Variants in CFAP74 observed in about 807,000 individuals in gnomAD.
CFAP74 encodes cilia- and flagella-associated protein 74.
CFAP74 carries 124 observed loss-of-function variants against 188.9 expected under a neutral mutation model. The ratio of observed to expected loss-of-function variants is 0.66; its 90% confidence interval spans 0.57 to 0.76. The LOEUF (loss-of-function observed/expected upper bound fraction) is 0.76, where lower values mean the gene tolerates loss of function less well. CFAP74 is among the 30% of genes least tolerant of loss of function. The pLI is 0.00. For missense variants in CFAP74, 2,198 were observed against 2,165.2 expected (o/e 1.02, Z -0.30); for synonymous variants, 956 against 916.7 (o/e 1.04, Z -0.77).
intron 2 of CFAP74, among the ~76,000 whole-genome samples, chr1:1,990,089 T>C (rs1483267857): frequency 6.6e-6 from 1 of 152,218 alleles, no homozygotes; most frequent in Non-Finnish European, 1.5e-5. Context: ...AGGTTCGTTA[T>C]TGCTATTTTA....
At chr1:1,997,422 CAA>C (rs535055121) in intron 1 of CFAP74, among the ~76,000 whole-genome samples, 9 of 67,574 alleles carry the variant, frequency 1.3e-4, no homozygotes, top group Admixed American at 1.7e-4. Context: ...AACTCCGTCT[CAA>C]AAAAAAAAAA....
At position 1,958,527 on chromosome 1, in the gene CFAP74, C is replaced by T. The variant is rs368282031; in HGVS notation, c.1851+593G>A. On this transcript the variant is annotated intron_variant, in intron 16 of 38. Coordinates refer to ENST00000682832, the MANE Select transcript of CFAP74 (RefSeq NM_001304360.2). ...GTGCGGTGCGAGCTGACCAATTACTCGGCGGGGGCCGGGGGGACAATGATG... is the reference window on the plus strand; with the variant it reads ...GTGCGGTGCGAGCTGACCAATTACTTGGCGGGGGCCGGGGGGACAATGATG... Among the ~76,000 whole-genome samples the T allele has an allele frequency of 1.9e-4, 29 of 152,210 alleles. 1 individual carries two copies. The highest frequency in any genetic ancestry group is 2.9e-4 in the African/African-American group (12 of 41,454).
intron 18 of CFAP74, among the ~76,000 whole-genome samples, chr1:1,947,686 C>T (rs561815255): frequency 2.6e-5 from 4 of 152,336 alleles, no homozygotes; most frequent in African/African-American, 7.2e-5. Context: ...TCGTGCTGCC[C>T]GGTCGGGTCA....
intron 25 of CFAP74, 148 bp from the exon 26 acceptor site, chr1:1,930,484 G>A (rs921535481): frequency 1.9e-5 from 14 of 755,730 alleles, no homozygotes; most frequent in Admixed American, 6.4e-5. Context: ...TCACTGCGCC[G>A]CTGACAAGTT....
In CFAP74 at chr1:1,923,015, A is replaced by G. The variant is rs773884103; in HGVS notation, c.4653T>C (p.Cys1551=). 1.4e-5 allele frequency: 22 copies of G among 1,597,070 alleles called. 1 individual carries two copies. Among genetic ancestry groups the G allele is most frequent in the Middle Eastern group, 3.3e-4 (2 of 5,986 alleles). Residue 1551 remains cysteine (C), a synonymous_variant, in exon 37 of 39, where the codon TGT becomes TGC. Transcript: ENST00000682832. This position sits in a 1 kb window ranked among gnomAD's most constrained non-coding sequence, Gnocchi z 6.3. ...TTGGAGATGGCTGGGTGGTCCGGAT[A>G]CAGCCCACCTGCAGCTCTCGGGTGG... The part of the protein sequence containing the change: ...PPATRELQVG[C]IRTTQPSPKK...
intron 1 of CFAP74, among the ~76,000 whole-genome samples, chr1:2,000,626 C>T (rs1370622450): frequency 6.6e-6 from 1 of 152,222 alleles, no homozygotes; most frequent in African/African-American, 2.4e-5. Flanking sequence ...CTGTTTCAGG[C>T]CTCTCTTTTA....
In CFAP74 at chr1:1,975,754, G is replaced by C. The variant is rs1656395790; in HGVS notation, c.501-1556C>G. Among the ~76,000 whole-genome samples the C allele has an allele frequency of 6.6e-6, 1 of 152,056 alleles. No homozygotes were observed. The highest frequency in any genetic ancestry group is 2.4e-5 in the African/African-American group (1 of 41,412). On this transcript the variant is annotated intron_variant, in intron 6 of 38. Transcript: ENST00000682832. This position sits in a 1 kb window ranked among gnomAD's most constrained non-coding sequence, Gnocchi z 4.5. ...CGTGACTCATGAAATTCTTTAATCTGAGGATTCATGCTCCCATCAATTCTG... is the reference window on the plus strand; with the variant it reads ...CGTGACTCATGAAATTCTTTAATCTCAGGATTCATGCTCCCATCAATTCTG...
In CFAP74 at chr1:1,958,602, A is replaced by G. The variant is rs370032259; in HGVS notation, c.1851+518T>C. 1.9e-4 allele frequency among the ~76,000 whole-genome samples: 29 copies of G among 152,214 alleles called. No individual in the cohort carries two copies. In the South Asian group the frequency reaches 2.1e-3, roughly 11 times the overall value. ...TGCATGCTGAAGTTTCTGAGGGTGG[A>G]GTGTTGACATTTTACTAATGTACTT... On this transcript the variant is annotated intron_variant, in intron 16 of 38. Coordinates refer to ENST00000682832, the MANE Select transcript of CFAP74 (RefSeq NM_001304360.2).
At chr1:1,995,064 T>G (rs1012642621) in intron 1 of CFAP74, among the ~76,000 whole-genome samples, 1 of 152,102 alleles carries the variant, frequency 6.6e-6, no homozygotes, top group Non-Finnish European at 1.5e-5. Context: ...AGCAGTGGGA[T>G]TGGGAACTGA....
intron 18 of CFAP74, among the ~76,000 whole-genome samples, chr1:1,948,993 CAT>C (rs1558015200): frequency 3.2e-5 from 2 of 62,334 alleles, no homozygotes; most frequent in Non-Finnish European, 3.2e-5. Flanking sequence ...TCCTTTCCTT[CAT>C]TCCCTTCCTT....
intron 6 of CFAP74, 27 bp from the exon 7 acceptor site, chr1:1,974,225 A>G (rs778721599): frequency 1.3e-6 from 2 of 1,567,454 alleles, no homozygotes; most frequent in Non-Finnish European, 1.7e-6. Context: ...AAGCAGCTGG[A>G]GACGGGCCCC....
intron 18 of CFAP74, among the ~76,000 whole-genome samples, chr1:1,952,344 T>A (rs1449078630): frequency 2.8e-5 from 4 of 142,610 alleles, no homozygotes; most frequent in Non-Finnish European, 4.5e-5. Flanking sequence ...AAGGCTAGAG[T>A]ATAAAATTAA....
At position 1,928,881 on chromosome 1, in the gene CFAP74, C is replaced by T. The variant is rs1652131388; in HGVS notation, c.3290G>A (p.Arg1097Lys). The change falls in exon 27 of 39, where the codon AGG becomes AAG. Residue 1097 changes from arginine (R) to lysine (K), a missense_variant and splice_region_variant. By Grantham distance (26) the Arg-to-Lys change is conservative. Coordinates refer to ENST00000682832, the MANE Select transcript of CFAP74 (RefSeq NM_001304360.2). Reference sequence around the variant, plus strand: ...CCGGAAGGCCACCTGGACCAGGCACCTCTGAGGAGAGACCAGCGTGGGCAC... The same window carrying T: ...CCGGAAGGCCACCTGGACCAGGCACTTCTGAGGAGAGACCAGCGTGGGCAC... The part of the protein sequence containing the change: ...PSVGTVWPGK[R>K]CLVQVAFRPV... The T allele has an allele frequency of 6.5e-7, 1 of 1,534,854 alleles. No homozygotes were observed. The highest frequency in any genetic ancestry group is 2.4e-5 in the East Asian group (1 of 40,902).
chr1:1,922,078 G>A lies in CFAP74; in HGVS notation c.*209C>T. 1.8e-6 allele frequency: 1 copy of A among 555,286 alleles called. No homozygotes were observed. The highest frequency in any genetic ancestry group is 3.2e-6 in the Non-Finnish European group (1 of 314,772). 34.4% of individuals were successfully genotyped at this position (555,286 alleles called of 1,614,324 possible). The stretch of plus-strand genomic sequence containing the variant: ...TGGCCTTCTCGCTGCTTCTGAGTCT[G>A]GGGTCTCAGGAGGGGTGCTCTTGGA... On this transcript the variant is annotated 3_prime_UTR_variant, in exon 39 of 39. Coordinates refer to ENST00000682832, the MANE Select transcript of CFAP74 (RefSeq NM_001304360.2).
intron 11 of CFAP74, among the ~76,000 whole-genome samples, chr1:1,967,862 C>T (rs1474787079): frequency 6.6e-6 from 1 of 152,132 alleles, no homozygotes; most frequent in Non-Finnish European, 1.5e-5. Context: ...CAGCAGTGGA[C>T]ACCAAGCAGG....
At chr1:1,938,281 G>A (rs564796448) in intron 25 of CFAP74, among the ~76,000 whole-genome samples, 48 of 151,432 alleles carry the variant, frequency 3.2e-4, no homozygotes, top group African/African-American at 1.1e-3. Context: ...CCACATACAT[G>A]CACTCACACT....
chr1:1,958,486 G>A (rs1326818121), intron 16 of CFAP74, among the ~76,000 whole-genome samples: 3 of 152,248 alleles, frequency 2.0e-5, no homozygotes, highest in Non-Finnish European at 2.9e-5. Flanking sequence ...GCCAGGAGCC[G>A]TTTGCTGTGT....
chr1:1,935,867 T>TACACACACACACACACACACACACAC (rs35582265), intron 25 of CFAP74, among the ~76,000 whole-genome samples: 37 of 147,878 alleles, frequency 2.5e-4, no homozygotes, highest in African/African-American at 8.2e-4. Flanking sequence ...TTTTCAGCAC[T>TACACACACACACACACACACACACAC]ACACACACAC....
At chr1:1,939,467 C>T (rs1013607678) in intron 24 of CFAP74, 127 bp downstream of exon 24, 1 of 909,436 alleles carries the variant, frequency 1.1e-6, no homozygotes, top group Non-Finnish European at 1.7e-6. Context: ...TGGAGGGGTG[C>T]AGCTGAGAGG....
Sources: gnomAD v4.1 joint callset for allele counts (sites outside exome capture counted in the v4.1 genomes callset) on GRCh38, gnomAD v4.1.1 for gene constraint, Gnocchi (gnomAD v3.1) non-coding constraint, MANE v1.5 for transcripts, NCBI Gene and HGNC (gene_info 2026-07-23, HGNC 2026-07-21) for gene names.